Variants in P4HA3 observed in about 807,000 individuals in gnomAD.
P4HA3 encodes prolyl 4-hydroxylase subunit alpha 3, also known as prolyl 4-hydroxylase subunit alpha-3.
A neutral mutation model predicts 66.7 loss-of-function variants in P4HA3; 60 were observed. That is an observed-to-expected ratio of 0.90 (90% confidence interval 0.73 to 1.12). P4HA3 has a LOEUF of 1.12. P4HA3 is among the 50% of genes most tolerant of loss of function. The pLI is 0.00. For synonymous variants in P4HA3, 263 were observed against 274.6 expected (o/e 0.96, Z 0.42); for missense variants, 683 against 685.8 (o/e 1.00, Z 0.05).
intron 6 of P4HA3, 121 bp from the exon 7 acceptor site, chr11:74,286,106 G>A: frequency 6.8e-7 from 1 of 1,476,794 alleles, no homozygotes; most frequent in East Asian, 2.3e-5. Context: ...TCACTCTGAT[G>A]CTGCCCAAGT....
At chr11:74,273,464 T>C in intron 10 of P4HA3, 81 bp downstream of exon 10, 1 of 1,255,460 alleles carries the variant, frequency 8.0e-7, no homozygotes, top group Non-Finnish European at 1.1e-6. Flanking sequence ...ATAAAATCAA[T>C]ACGTGAAATT....
chr11:74,275,508 C>T (rs1419536420), intron 9 of P4HA3, among the ~76,000 whole-genome samples: 2 of 152,194 alleles, frequency 1.3e-5, no homozygotes, highest in African/African-American at 2.4e-5. Context: ...TGTTTCTGGA[C>T]TCTGTTCTGT....
At chr11:74,252,561 G>C (rs1859730658) in intron 15 of P4HA3, 1 of 454,358 alleles carries the variant, frequency 2.2e-6, no homozygotes, top group Admixed American at 2.3e-5. Flanking sequence ...TCTAGAGCAG[G>C]GTTTTCAACC....
chr11:74,283,250 A>G (rs775664688), intron 7 of P4HA3, among the ~76,000 whole-genome samples: 9 of 152,104 alleles, frequency 5.9e-5, no homozygotes, highest in East Asian at 1.9e-4. Flanking sequence ...ATTTAAATCA[A>G]CGTCTCTGGG....
chr11:74,285,589 G>A (rs111730284), intron 7 of P4HA3: 7,066 of 486,876 alleles, frequency 0.015, 82 homozygotes, highest in African/African-American at 0.036. Flanking sequence ...CAATACCCCA[G>A]AGAATCCTCT....
chr11:74,267,172 C>T lies in P4HA3; in HGVS notation c.*76G>A. ...TTCCAGGAGGCTGCTCTGCTTTCTC[C>T]TCTCCTACCCCAGCTTTTGGCTCCT... On this transcript the variant is annotated 3_prime_UTR_variant, in exon 13 of 13. Transcript: ENST00000331597. 1 of 1,605,090 alleles carries T rather than the reference C, an allele frequency of 6.2e-7. No homozygotes were observed. The highest frequency in any genetic ancestry group is 1.7e-5 in the Admixed American group (1 of 58,792).
At chr11:74,250,947 T>G (rs894965277) in intron 15 of P4HA3, 1 of 1,594,618 alleles carries the variant, frequency 6.3e-7, no homozygotes, top group Admixed American at 1.7e-5. Flanking sequence ...CTTTGATTCC[T>G]CTCCAGGGAA....
In P4HA3 at chr11:74,286,266, C is replaced by T; in HGVS notation, c.895G>A (p.Asp299Asn). ...RPNIPHLQTR[D>N]TYEGLCQTLG... ...GTCTGACATAGCCCCTCGTAGGTGT[C>T]TCTGGTCTGCAGGTGGGGTATATTG... is the stretch of plus-strand genomic sequence containing the variant. Residue 299 changes from aspartate (D) to asparagine (N), a missense_variant, in exon 6 of 13, where the codon GAC becomes AAC. Transcript: ENST00000331597. The T allele has an allele frequency of 6.2e-7, 1 of 1,613,132 alleles. No individual in the cohort carries two copies. Among genetic ancestry groups the T allele is most frequent in the Non-Finnish European group, 8.5e-7 (1 of 1,179,724 alleles).
intron 10 of P4HA3, among the ~76,000 whole-genome samples, chr11:74,270,743 T>C (rs1411721971): frequency 6.6e-6 from 1 of 152,208 alleles, no homozygotes; most frequent in Non-Finnish European, 1.5e-5. Flanking sequence ...TCTTCCATGA[T>C]GGAGTCAGGA....
intron 4 of P4HA3, among the ~76,000 whole-genome samples, chr11:74,297,942 T>C (rs985919165): frequency 2.0e-5 from 3 of 152,228 alleles, no homozygotes; most frequent in Non-Finnish European, 2.9e-5. Flanking sequence ...AAATAATGAT[T>C]GTAAAGTAGT....
At chr11:74,273,203 G>A (rs1860266664) in intron 10 of P4HA3, among the ~76,000 whole-genome samples, 1 of 152,072 alleles carries the variant, frequency 6.6e-6, no homozygotes, top group Admixed American at 6.5e-5. Context: ...TAGTCCATGA[G>A]ACCTCAAGGA....
chr11:74,311,566 G>GCGCCAGCACCGCCAGCAGCGC lies in P4HA3; in HGVS notation c.25_45dup (p.Ala9_Ala15dup). ...GCCCTTTCTGGGTCTCCTGTCCCGA[G>GCGCCAGCACCGCCAGCAGCGC]CGCCAGCACCGCCAGCAGCGCCGCC... On this transcript the variant is annotated inframe_insertion, in exon 1 of 13. Coordinates refer to ENST00000331597, the MANE Select transcript of P4HA3 (RefSeq NM_182904.5). 6.5e-7 allele frequency: 1 copy of GCGCCAGCACCGCCAGCAGCGC among 1,535,616 alleles called. No homozygotes were observed. Among genetic ancestry groups the GCGCCAGCACCGCCAGCAGCGC allele is most frequent in the East Asian group, 2.6e-5 (1 of 38,248 alleles).
At position 74,268,126 on chromosome 11, in the gene P4HA3, C is replaced by A; in HGVS notation, c.1564+19G>T. On this transcript the variant is annotated intron_variant, in intron 12 of 12. Coordinates refer to ENST00000331597, the MANE Select transcript of P4HA3 (RefSeq NM_182904.5). ...TGCACCCTGTACCCCCTTCTCATGCCCAGAAAGGCAAGACTTACCCCACTT... is the reference window on the plus strand; with the variant it reads ...TGCACCCTGTACCCCCTTCTCATGCACAGAAAGGCAAGACTTACCCCACTT... The A allele has an allele frequency of 6.2e-7, 1 of 1,605,680 alleles. No homozygotes were observed. Among genetic ancestry groups the A allele is most frequent in the Non-Finnish European group, 8.5e-7 (1 of 1,172,642 alleles).
chr11:74,296,375 A>G (rs1861212609), intron 4 of P4HA3, among the ~76,000 whole-genome samples: 2 of 152,232 alleles, frequency 1.3e-5, no homozygotes, highest in African/African-American at 4.8e-5. Flanking sequence ...TTTTTACTAA[A>G]ATATATAATG....
intron 15 of P4HA3, among the ~76,000 whole-genome samples, chr11:74,259,200 G>A (rs972321330): frequency 8.5e-5 from 13 of 152,168 alleles, no homozygotes; most frequent in Admixed American, 7.2e-4. Context: ...CCAACATGGC[G>A]AAACCCCGTC....
intron 6 of P4HA3, 31 bp from the exon 7 acceptor site, chr11:74,286,016 G>A: frequency 1.9e-6 from 3 of 1,579,768 alleles, no homozygotes; most frequent in East Asian, 2.2e-5. Flanking sequence ...GAGCATAAGA[G>A]AAGAAGGGTC....
intron 15 of P4HA3, chr11:74,250,802 C>T (rs911821379): frequency 1.6e-6 from 1 of 629,176 alleles, no homozygotes; most frequent in African/African-American, 1.8e-5. Flanking sequence ...CTTGTATTAC[C>T]ATCCTCAGCA....
At chr11:74,274,354 G>A (rs1319100122) in intron 9 of P4HA3, among the ~76,000 whole-genome samples, 2 of 145,992 alleles carry the variant, frequency 1.4e-5, no homozygotes, top group African/African-American at 5.1e-5. Flanking sequence ...TGCCCAGGCT[G>A]GAGTGCAGTG....
chr11:74,264,524 A>G (rs1859959138), downstream of P4HA3, among the ~76,000 whole-genome samples: 1 of 152,102 alleles, frequency 6.6e-6, no homozygotes, highest in Non-Finnish European at 1.5e-5. Context: ...ACATGGTTTC[A>G]TGATGATTTG....
Sources: gnomAD v4.1 joint callset for allele counts (sites outside exome capture counted in the v4.1 genomes callset) on GRCh38, gnomAD v4.1.1 for gene constraint, MANE v1.5 for transcripts, NCBI Gene and HGNC (gene_info 2026-07-23, HGNC 2026-07-21) for gene names.